GABRA2: variants seen among roughly 807,000 people sequenced by gnomAD.
GABRA2 encodes gamma-aminobutyric acid receptor subunit alpha-2.
GABRA2 carries 16 observed loss-of-function variants against 48.7 expected under a neutral mutation model. The ratio of observed to expected loss-of-function variants is 0.33; its 90% CI spans 0.22 to 0.50. GABRA2 has a LOEUF of 0.50. Among genes scored for constraint, GABRA2 ranks in the 20% least tolerant of loss-of-function variants. The probability of loss-of-function intolerance (pLI) is 0.98; values close to 1 mark genes in which losing one functional copy is unlikely to be tolerated. For missense variants in GABRA2, 275 were observed against 535.6 expected (o/e 0.51, Z 4.80); for synonymous variants, 185 against 184.5 (o/e 1.00, Z -0.02).
At chr4:46,376,364 G>GT (rs1439200102) in intron 3 of GABRA2, among the ~76,000 whole-genome samples, 1 of 152,124 alleles carries the variant, frequency 6.6e-6, no homozygotes, top group Non-Finnish European at 1.5e-5. Context: ...TTTATCCACT[G>GT]TGTATTAAGG....
At chr4:46,341,550 A>T (rs1733242599) in intron 3 of GABRA2, among the ~76,000 whole-genome samples, 1 of 152,038 alleles carries the variant, frequency 6.6e-6, no homozygotes, top group African/African-American at 2.4e-5. Context: ...ATTTTCTTAA[A>T]TGCTTTGAAC....
At chr4:46,329,621 G>C (rs1730993271) in intron 4 of GABRA2, among the ~76,000 whole-genome samples, 1 of 152,064 alleles carries the variant, frequency 6.6e-6, no homozygotes, top group Admixed American at 6.6e-5. Flanking sequence ...CCTAGAAGTA[G>C]ATATTCTATC....
chr4:46,276,819 A>C (rs1419140864), intron 8 of GABRA2, among the ~76,000 whole-genome samples: 3 of 152,054 alleles, frequency 2.0e-5, no homozygotes, highest in Non-Finnish European at 4.4e-5. Flanking sequence ...TTCAGAATTA[A>C]ATAATGAGTT....
chr4:46,249,073 C>A lies in GABRA2; in HGVS notation c.*1235G>T. Reference sequence around the variant, plus strand: ...GTGTGTGTGTGTGTATGTTTGTGCACGTGAAATAATCCACAATCTATTGGT... The same window carrying A: ...GTGTGTGTGTGTGTATGTTTGTGCAAGTGAAATAATCCACAATCTATTGGT... On this transcript the variant is annotated 3_prime_UTR_variant, in exon 10 of 10. Transcript: ENST00000381620. 1 of 55,398 alleles carries A rather than the reference C, an allele frequency of 1.8e-5. No homozygotes were observed. Among genetic ancestry groups the A allele is most frequent in the Non-Finnish European group, 4.3e-5 (1 of 23,046 alleles). The allele number at this position is 55,398 out of a possible 1,614,324, so 3.4% of individuals were successfully genotyped here. A position where few individuals can be genotyped will look rare whatever the true frequency, so the allele number is the denominator to read the frequency against.
intron 3 of GABRA2, chr4:46,366,946 G>A (rs182628018): frequency 6.6e-6 from 1 of 152,034 alleles, no homozygotes; most frequent in Non-Finnish European, 1.5e-5. Context: ...CTTTTGTTGT[G>A]GGGTTAGAAG....
rs1717089285 is a variant in GABRA2, at chr4:46,262,090, T to C, written c.895A>G (p.Ser299Gly). The C allele has an allele frequency of 1.2e-6, 2 of 1,613,746 alleles. No individual in the cohort carries two copies. The highest frequency in any genetic ancestry group is 1.7e-6 in the Non-Finnish European group (2 of 1,179,826). Residue 299 changes from serine (S) to glycine (G), a missense_variant, in exon 9 of 10, where the codon AGT (serine) becomes GGT (glycine). By Grantham distance (56) the Ser-to-Gly change is moderately conservative (BLOSUM62 0). Around this residue, in one of 4 missense-constraint regions of GABRA2, gnomAD observed 24 missense variants for 113.8 expected, o/e 0.21. Coordinates refer to ENST00000381620, the MANE Select transcript of GABRA2 (RefSeq NM_000807.4). ...ACTTTGGGGAGAGAATTCCGAGCAC[T>C]GATGCTTAGAGTTGTCATTGTTAGG... ...TVLTMTTLSI[S>G]ARNSLPKVAY...
At chr4:46,260,819 C>T (rs1229473042) in intron 9 of GABRA2, 1 of 151,822 alleles carries the variant, frequency 6.6e-6, no homozygotes, top group Non-Finnish European at 1.5e-5. Context: ...GAAAACACAA[C>T]TTATAAAATG....
intron 3 of GABRA2, among the ~76,000 whole-genome samples, chr4:46,376,916 T>G (rs1420671753): frequency 6.6e-6 from 1 of 152,174 alleles, no homozygotes; most frequent in Non-Finnish European, 1.5e-5. Context: ...CCTATTTTTT[T>G]GGTGGAGACG....
chr4:46,299,516 C>G (rs1406986530), intron 8 of GABRA2, among the ~76,000 whole-genome samples: 1 of 151,592 alleles, frequency 6.6e-6, no homozygotes, highest in Admixed American at 6.6e-5. Flanking sequence ...AGTCTCTAAG[C>G]AAACTTGTTC....
At chr4:46,347,490 G>A (rs527425867) in intron 3 of GABRA2, among the ~76,000 whole-genome samples, 1 of 151,852 alleles carries the variant, frequency 6.6e-6, no homozygotes, top group Non-Finnish European at 1.5e-5. Context: ...CACATTTTGG[G>A]GAAAGGACAG....
chr4:46,306,946 G>A (rs76813420), intron 6 of GABRA2, among the ~76,000 whole-genome samples: 4,192 of 152,050 alleles, frequency 0.028, 126 homozygotes, highest in Non-Finnish European at 0.04. Flanking sequence ...TTGTCTAACG[G>A]CAATGTTGTC....
chr4:46,284,340 G>A (rs574955978), intron 8 of GABRA2, among the ~76,000 whole-genome samples: 1 of 152,168 alleles, frequency 6.6e-6, no homozygotes, highest in East Asian at 1.9e-4. Flanking sequence ...CAGGAACCTC[G>A]AAAGCATAAC....
chr4:46,302,325 G>T (rs1225820977), intron 8 of GABRA2, among the ~76,000 whole-genome samples: 1 of 151,988 alleles, frequency 6.6e-6, no homozygotes, highest in Non-Finnish European at 1.5e-5. Flanking sequence ...CCTCCAACGT[G>T]CTAGGACTAC....
intron 6 of GABRA2, 66 bp downstream of exon 6, chr4:46,310,107 G>T: frequency 1.8e-6 from 2 of 1,089,958 alleles, no homozygotes; most frequent in South Asian, 2.7e-5. Context: ...CTAGACAATT[G>T]AGCAGTGCTG....
At chr4:46,283,590 C>T (rs1721946368) in intron 8 of GABRA2, among the ~76,000 whole-genome samples, 1 of 151,776 alleles carries the variant, frequency 6.6e-6, no homozygotes, top group Admixed American at 6.5e-5. Context: ...TCAATCCAAA[C>T]ATAGCCCTTT....
chr4:46,311,825 G>A (rs943327762), intron 5 of GABRA2, among the ~76,000 whole-genome samples: 17 of 152,314 alleles, frequency 1.1e-4, no homozygotes, highest in Middle Eastern at 3.4e-3. Context: ...TAGGCTGAGC[G>A]TGGAGGCTCA....
chr4:46,317,610 C>T (rs1425282574), intron 4 of GABRA2, among the ~76,000 whole-genome samples: 1 of 151,422 alleles, frequency 6.6e-6, no homozygotes, highest in Non-Finnish European at 1.5e-5. Context: ...ATTAAACTAG[C>T]TCTAATGAAA....
chr4:46,313,767 A>G (rs1379166478), intron 4 of GABRA2, among the ~76,000 whole-genome samples: 2 of 152,146 alleles, frequency 1.3e-5, no homozygotes, highest in Admixed American at 6.6e-5. Context: ...CACACCTGAG[A>G]TTTGAAATTC....
At chr4:46,299,567 A>G (rs941363762) in intron 8 of GABRA2, among the ~76,000 whole-genome samples, 3 of 150,916 alleles carry the variant, frequency 2.0e-5, no homozygotes, top group Non-Finnish European at 4.4e-5. Context: ...TCCAAGATTG[A>G]AAAAAAAATG....
Sources: gnomAD v4.1 joint callset for allele counts (sites outside exome capture counted in the v4.1 genomes callset) on GRCh38, gnomAD v4.1.1 for gene constraint, gnomAD v4.1.1 regional missense constraint, MANE v1.5 for transcripts, NCBI Gene and HGNC (gene_info 2026-07-23, HGNC 2026-07-21) for gene names.